OSBPL2: variants seen among roughly 807,000 people sequenced by gnomAD.
OSBPL2 encodes oxysterol-binding protein-related protein 2.
In OSBPL2, 18 loss-of-function variants were observed where a neutral mutation model predicts 58.4. The ratio of observed to expected loss-of-function variants is 0.31; its 90% CI spans 0.21 to 0.46. The LOEUF (loss-of-function observed/expected upper bound fraction) is 0.46, where lower values mean the gene tolerates loss of function less well. Ranked by LOEUF, OSBPL2 falls within the 20% of genes least tolerant of loss-of-function variation. OSBPL2 has a pLI of 1.00. For missense variants in OSBPL2, 461 were observed against 616.5 expected (o/e 0.75, Z 2.67); for synonymous variants, 221 against 234.1 (o/e 0.94, Z 0.51).
At chr20:62,293,578 C>T (rs1483961088) in intron 13 of OSBPL2, among the ~76,000 whole-genome samples, 1 of 152,216 alleles carries the variant, frequency 6.6e-6, no homozygotes, top group Non-Finnish European at 1.5e-5. Flanking sequence ...GAAATTGACA[C>T]GGGTGGCTGG....
intron 13 of OSBPL2, among the ~76,000 whole-genome samples, chr20:62,292,069 C>G (rs537859016): frequency 6.6e-6 from 1 of 152,208 alleles, no homozygotes; most frequent in Admixed American, 6.5e-5. Context: ...CACACTTTGC[C>G]GAGACCACCC....
At chr20:62,279,466 C>T (rs1982637747) in intron 7 of OSBPL2, 127 bp downstream of exon 7, 2 of 940,542 alleles carry the variant, frequency 2.1e-6, no homozygotes, top group South Asian at 1.7e-5. Flanking sequence ...GGGACCTCCC[C>T]ACAGCAGAAA....
intron 8 of OSBPL2, 184 bp from the exon 9 acceptor site, chr20:62,281,606 G>A (rs1469054960): frequency 1.1e-5 from 6 of 555,726 alleles, no homozygotes; most frequent in East Asian, 2.9e-5. Context: ...TAAATTGACC[G>A]AATCATGGAG....
chr20:62,263,237 A>G (rs1981435185), intron 3 of OSBPL2, among the ~76,000 whole-genome samples: 1 of 152,044 alleles, frequency 6.6e-6, no homozygotes, highest in Non-Finnish European at 1.5e-5. Flanking sequence ...CTGCCCTCTT[A>G]CCTCTGCCTG....
Position 62,263,612 on chromosome 20 carries a change from G to C in OSBPL2, c.183-4G>C, listed in dbSNP as rs368702233. On this transcript the variant is annotated splice_polypyrimidine_tract_variant and splice_region_variant and intron_variant, in intron 3 of 13. Transcript: ENST00000313733. ...CCCACACGCACCCCTTTTGTGCTTC[G>C]CAGGACATCGCTGCCGGCTCCCATG... The C allele has an allele frequency of 1.0e-4, 161 of 1,613,794 alleles. No homozygotes were observed. The highest frequency in any genetic ancestry group is 1.3e-4 in the Non-Finnish European group (156 of 1,179,842).
At chr20:62,286,444 C>T (rs1350485553) in intron 10 of OSBPL2, 139 bp from the exon 11 acceptor site, 11 of 924,144 alleles carry the variant, frequency 1.2e-5, no homozygotes, top group African/African-American at 6.7e-5. Context: ...AGCGAGACTC[C>T]GTCTGAAAAA....
chr20:62,283,088 G>A (rs1227041567), intron 9 of OSBPL2, among the ~76,000 whole-genome samples: 1 of 152,194 alleles, frequency 6.6e-6, no homozygotes, highest in East Asian at 1.9e-4. Flanking sequence ...AATAGGCGGG[G>A]GCGCCGAGGC....
chr20:62,284,063 T>G lies in OSBPL2; in HGVS notation c.890T>G (p.Met297Arg), dbSNP rs1041679644. 5 of 1,613,474 alleles carry G rather than the reference T, an allele frequency of 3.1e-6. No individual in the cohort carries two copies. Among genetic ancestry groups the G allele is most frequent in the Non-Finnish European group, 4.2e-6 (5 of 1,179,674 alleles). The change falls in exon 10 of 14, where the codon ATG becomes AGG. Residue 297 changes from methionine (M) to arginine (R), a missense_variant. Physicochemically the swap from Met to Arg is moderately conservative, Grantham distance 91. This residue lies in a region of OSBPL2 where 319 missense variants were observed against 419.2 expected (regional missense o/e 0.76). Coordinates refer to ENST00000313733, the MANE Select transcript of OSBPL2 (RefSeq NM_144498.4). Reference sequence around the variant, plus strand: ...AATTACAGCAAAAAGAAGCTCTTTATGATCTATGGCAAATGGACGGAATGT... The same window carrying G: ...AATTACAGCAAAAAGAAGCTCTTTAGGATCTATGGCAAATGGACGGAATGT... ...IQDKNKKKLF[M>R]IYGKWTECLW...
At position 62,260,108 on chromosome 20, in the gene OSBPL2, C is replaced by G; in HGVS notation, c.165C>G (p.Asn55Lys). The change falls in exon 3 of 14, where the codon AAC becomes AAG. Residue 55 changes from asparagine to lysine, a missense_variant. Around this residue, in one of 5 missense-constraint regions of OSBPL2, gnomAD observed 80 missense variants for 74.8 expected, o/e 1.07. Transcript: ENST00000313733. ...GKTGERPSQENGIQKHRTSLP... is the reference protein window; with the variant it reads ...GKTGERPSQEKGIQKHRTSLP... Reference sequence around the variant, plus strand: ...CTGGGGAGAGGCCCTCTCAAGAGAACGGAATTCAGAAACACAGGTATGTTC... The same window carrying G: ...CTGGGGAGAGGCCCTCTCAAGAGAAGGGAATTCAGAAACACAGGTATGTTC... 6.2e-7 allele frequency: 1 copy of G among 1,613,710 alleles called. No homozygotes were observed. Among genetic ancestry groups the G allele is most frequent in the Non-Finnish European group, 8.5e-7 (1 of 1,179,818 alleles).
intron 1 of OSBPL2, chr20:62,242,713 C>T (rs1386421273): frequency 6.6e-6 from 1 of 152,398 alleles, no homozygotes; most frequent in Non-Finnish European, 1.5e-5. Flanking sequence ...GGCCCCGACG[C>T]TGAGGCAAGT....
At chr20:62,274,486 A>G (rs1459520563) in intron 6 of OSBPL2, among the ~76,000 whole-genome samples, 1 of 152,162 alleles carries the variant, frequency 6.6e-6, no homozygotes, top group Non-Finnish European at 1.5e-5. Flanking sequence ...ATGTGTAGGG[A>G]GAGTCAGCAG....
At chr20:62,266,493 G>A (rs1000064681) in intron 4 of OSBPL2, among the ~76,000 whole-genome samples, 5 of 151,962 alleles carry the variant, frequency 3.3e-5, no homozygotes, top group Admixed American at 6.6e-5. Flanking sequence ...GCTGTGGCTC[G>A]TTCTGGATCC....
At chr20:62,290,662 C>T (rs558225539) in intron 12 of OSBPL2, among the ~76,000 whole-genome samples, 84 of 151,130 alleles carry the variant, frequency 5.6e-4, no homozygotes, top group African/African-American at 2.0e-3. Context: ...CCTTGTGATC[C>T]GCCCGCCTCA....
chr20:62,242,286 T>C (rs1029769952), intron 1 of OSBPL2: 2 of 152,252 alleles, frequency 1.3e-5, no homozygotes, highest in African/African-American at 4.8e-5. Flanking sequence ...ACTGTTTGCG[T>C]GAACTTTTTG....
At chr20:62,246,073 C>T (rs545660526) in intron 1 of OSBPL2, among the ~76,000 whole-genome samples, 3 of 152,340 alleles carry the variant, frequency 2.0e-5, no homozygotes, top group South Asian at 4.1e-4. Flanking sequence ...CTGCCATTCC[C>T]GCGTCTCCTC....
chr20:62,253,294 C>A (rs938917630), intron 1 of OSBPL2, among the ~76,000 whole-genome samples: 2 of 152,206 alleles, frequency 1.3e-5, no homozygotes, highest in Non-Finnish European at 2.9e-5. Context: ...AGGCAGGATG[C>A]TATCTCCTTG....
chr20:62,283,873 G>A lies in OSBPL2; in HGVS notation c.873-173G>A, dbSNP rs114445707. ...CATTTTCCTTTCCGTGGTGTGTATC[G>A]GGGCTACGAATGGTCCCAGAATGCA... is the stretch of plus-strand genomic sequence containing the variant. On this transcript the variant is annotated intron_variant, in intron 9 of 13. Transcript: ENST00000313733. Among the ~76,000 whole-genome samples the A allele has an allele frequency of 0.011, 1,620 of 152,094 alleles. 38 individuals carry two copies. Among genetic ancestry groups the A allele is most frequent in the African/African-American group, 0.037 (1,552 of 41,466 alleles).
chr20:62,250,299 G>A (rs138112571), intron 1 of OSBPL2, among the ~76,000 whole-genome samples: 1 of 152,336 alleles, frequency 6.6e-6, no homozygotes, highest in East Asian at 1.9e-4. Context: ...AGGAGACACA[G>A]GGTGTGGTGC....
intron 6 of OSBPL2, 70 bp downstream of exon 6, chr20:62,273,476 C>T (rs553432744): frequency 2.6e-6 from 3 of 1,159,458 alleles, no homozygotes; most frequent in African/African-American, 3.1e-5. Context: ...AAGTTTGATT[C>T]TTTCACTAGC....
Sources: allele counts gnomAD v4.1 joint callset (sites outside exome capture counted in the v4.1 genomes callset), GRCh38; gene constraint gnomAD v4.1.1; regional missense constraint gnomAD v4.1.1; transcripts MANE v1.5; gene names NCBI Gene and HGNC (gene_info 2026-07-23, HGNC 2026-07-21).